Variants in MUC12 observed in about 807,000 individuals in gnomAD.
MUC12 encodes mucin 12, cell surface associated.
MUC12 carries 172 observed loss-of-function variants against 230.8 expected under a neutral mutation model. The observed-to-expected ratio is 0.75, with a 90% CI of 0.66 to 0.85. The LOEUF (loss-of-function observed/expected upper bound fraction) is 0.85, where lower values mean the gene tolerates loss of function less well. Ranked by LOEUF, MUC12 falls within the 40% of genes least tolerant of loss-of-function variation. The probability of loss-of-function intolerance (pLI) is 0.00; values close to 1 mark genes in which losing one functional copy is unlikely to be tolerated. For missense variants in MUC12, 3,506 were observed against 5,920.6 expected (o/e 0.59, Z 13.38); for synonymous variants, 1,259 against 2,401.9 (o/e 0.52, Z 13.91).
At chr7:101,009,293 A>C in intron 5 of MUC12, 134 bp downstream of exon 5, 4 of 866,736 alleles carry the variant, frequency 4.6e-6, no homozygotes, top group Non-Finnish European at 7.3e-6. Context: ...GCTAGGGAAC[A>C]CTGGGGGCTG....
intron 1 of MUC12, among the ~76,000 whole-genome samples, chr7:100,988,258 T>C (rs1793224580): frequency 7.6e-6 from 1 of 131,450 alleles, no homozygotes; most frequent in African/African-American, 3.0e-5. Flanking sequence ...ATCGCGCCAA[T>C]GCACTCCAGC....
chr7:101,012,813 C>T lies in MUC12; in HGVS notation c.15404-6C>T, dbSNP rs555334534. 47 of 1,537,166 alleles carry T rather than the reference C, an allele frequency of 3.1e-5. No homozygotes were observed. Among genetic ancestry groups the T allele is most frequent in the South Asian group, 2.4e-4 (20 of 84,036 alleles). The stretch of plus-strand genomic sequence containing the variant: ...TTCCATCTTCCTTCCCATCCACTCT[C>T]GGCAGAGGCCATACTGTGCTATAGT... On this transcript the variant is annotated splice_polypyrimidine_tract_variant and splice_region_variant and intron_variant, in intron 6 of 11. Coordinates refer to ENST00000536621, the MANE Select transcript of MUC12 (RefSeq NM_001164462.2).
intron 11 of MUC12, 119 bp downstream of exon 11, chr7:101,017,782 CCT>C (rs1306321050): frequency 1.0e-3 from 700 of 675,216 alleles, no homozygotes; most frequent in Non-Finnish European, 1.4e-3. Context: ...GGACTCCCTC[CCT>C]TCCCCCTGGG....
At chr7:101,006,350 C>T (rs993490517) in intron 2 of MUC12, 121 bp from the exon 3 acceptor site, 29 of 677,232 alleles carry the variant, frequency 4.3e-5, no homozygotes, top group East Asian at 1.1e-4. Flanking sequence ...CATTGCTGTG[C>T]GGTCATCTGG....
intron 1 of MUC12, among the ~76,000 whole-genome samples, chr7:100,987,830 G>C (rs1470906104): frequency 6.6e-6 from 1 of 152,140 alleles, no homozygotes. Context: ...AATTAGCCAG[G>C]CATAGTGGTG....
At chr7:100,979,650 C>T (rs889930611) in intron 1 of MUC12, among the ~76,000 whole-genome samples, 40 of 151,910 alleles carry the variant, frequency 2.6e-4, no homozygotes, top group African/African-American at 8.9e-4. Context: ...CTGGCAGGGG[C>T]CTGTAGTCCC....
rs1197786546 is a variant in MUC12 at position 101,018,638 on chromosome 7, C to T, written c.*2C>T. ...GAGATGGTAGCATCCACTGTGTGAG[C>T]CAACGGGGGCCTCCCACCCTCATCT... On this transcript the variant is annotated 3_prime_UTR_variant, in exon 12 of 12. Transcript: ENST00000536621. 1.3e-6 allele frequency: 2 copies of T among 1,535,404 alleles called. No homozygotes were observed. Among genetic ancestry groups the T allele is most frequent in the Non-Finnish European group, 1.7e-6 (2 of 1,145,974 alleles).
chr7:100,977,990 C>T (rs1793057880), intron 1 of MUC12, among the ~76,000 whole-genome samples: 1 of 152,154 alleles, frequency 6.6e-6, no homozygotes, highest in African/African-American at 2.4e-5. Flanking sequence ...TTTTCTCTGA[C>T]AAGTATGCAG....
intron 10 of MUC12, chr7:101,016,972 A>C (rs1793933809): frequency 6.6e-6 from 1 of 152,536 alleles, no homozygotes; most frequent in Admixed American, 6.5e-5. Context: ...GGGAGAATGC[A>C]GAGTGAGAAG....
At position 101,001,906 on chromosome 7, in the gene MUC12, A is replaced by G; in HGVS notation, c.11343A>G (p.Ser3781=). Residue 3781 remains serine (S), a synonymous_variant, in exon 2 of 12, where the codon TCA becomes TCG. Transcript: ENST00000536621. ...GTAGCCAACCAGGTTCTACTCACTC[A>G]ACAGTGTCACCTGCCAGCACCACCA... ...TSRSQPGSTH[S]TVSPASTTTP... The G allele has an allele frequency of 1.2e-6, 1 of 836,266 alleles. No homozygotes were observed. The highest frequency in any genetic ancestry group is 1.7e-6 in the Non-Finnish European group (1 of 603,524). 51.8% of individuals were successfully genotyped at this position (836,266 alleles called of 1,614,324 possible). A position where few individuals can be genotyped will look rare whatever the true frequency, so the allele number is the denominator to read the frequency against.
chr7:100,995,928 A>T lies in MUC12; in HGVS notation c.5365A>T (p.Thr1789Ser). Residue 1789 changes from threonine to serine, a missense_variant, in exon 2 of 12, where the codon ACA becomes TCA. By Grantham distance (58) the Thr-to-Ser change is moderately conservative. Transcript: ENST00000536621. ...AACAATGCACTTCCCTGAAAGCTCCACAGCTTCAGGTCGTAGTGAAGAATC... is the reference window on the plus strand; with the variant it reads ...AACAATGCACTTCCCTGAAAGCTCCTCAGCTTCAGGTCGTAGTGAAGAATC... ...TQTMHFPESS[T>S]ASGRSEESRT... The T allele has an allele frequency of 4.8e-6, 6 of 1,243,620 alleles. No homozygotes were observed. The highest frequency in any genetic ancestry group is 6.6e-6 in the Non-Finnish European group (6 of 915,634). 77.0% of individuals were successfully genotyped at this position (1,243,620 alleles called of 1,614,324 possible). A position where few individuals can be genotyped will look rare whatever the true frequency, so the allele number is the denominator to read the frequency against.
At chr7:100,971,256 T>C (rs1792885457) in intron 1 of MUC12, among the ~76,000 whole-genome samples, 1 of 152,292 alleles carries the variant, frequency 6.6e-6, no homozygotes, top group Non-Finnish European at 1.5e-5. Context: ...AGCCTGGTCG[T>C]GGCTGTGTCT....
chr7:100,982,751 A>G (rs67853264), intron 1 of MUC12, among the ~76,000 whole-genome samples: 22,496 of 149,550 alleles, frequency 0.15, 1,844 homozygotes, highest in African/African-American at 0.21. Flanking sequence ...TTTCTTTGAG[A>G]TAGGGTCTTT....
At chr7:100,985,584 A>G (rs1160330697) in intron 1 of MUC12, among the ~76,000 whole-genome samples, 1 of 152,204 alleles carries the variant, frequency 6.6e-6, no homozygotes, top group African/African-American at 2.4e-5. Context: ...AGAATGAACA[A>G]GGACAGCTTG....
At chr7:100,981,315 T>C in intron 1 of MUC12, 1 of 516,446 alleles carries the variant, frequency 1.9e-6, no homozygotes, top group Non-Finnish European at 3.4e-6. Context: ...AATCCCAGGT[T>C]GGGAGGGGTC....
In MUC12 at chr7:101,004,650, C is replaced by T. The variant is rs898380482; in HGVS notation, c.14087C>T (p.Thr4696Ile). The T allele has an allele frequency of 4.6e-6, 7 of 1,537,350 alleles. No individual in the cohort carries two copies. The highest frequency in any genetic ancestry group is 1.4e-5 in the African/African-American group (1 of 73,018). Residue 4696 changes from threonine to isoleucine, a missense_variant, in exon 2 of 12, where the codon ACA (threonine) becomes ATA (isoleucine). Physicochemically the swap from Thr to Ile is moderately conservative, Grantham distance 89 (BLOSUM62 -1). Coordinates refer to ENST00000536621, the MANE Select transcript of MUC12 (RefSeq NM_001164462.2). ...SHSSPDTNGI[T>I]PLPAHFTTSG... ...AGCAGCCCAGATACAAATGGAATCACACCCTTACCTGCCCATTTTACTACC... is the reference window on the plus strand; with the variant it reads ...AGCAGCCCAGATACAAATGGAATCATACCCTTACCTGCCCATTTTACTACC...
intron 1 of MUC12, among the ~76,000 whole-genome samples, chr7:100,990,226 G>T (rs539000637): frequency 6.6e-6 from 1 of 152,184 alleles, no homozygotes; most frequent in Non-Finnish European, 1.5e-5. Flanking sequence ...GATCAGGAGC[G>T]GCATGAGATT....
At chr7:100,989,192 T>G (rs1793241306) in intron 1 of MUC12, among the ~76,000 whole-genome samples, 2 of 145,298 alleles carry the variant, frequency 1.4e-5, no homozygotes, top group Admixed American at 1.4e-4. Flanking sequence ...CCTCGCAACC[T>G]CTGCCTCCTG....
intron 1 of MUC12, among the ~76,000 whole-genome samples, chr7:100,971,145 ACT>A (rs1001601401): frequency 4.6e-5 from 2 of 43,208 alleles, no homozygotes; most frequent in African/African-American, 1.7e-4. Flanking sequence ...ACAGAGCGAG[ACT>A]CTCTCAAAAA....
Sources: gnomAD v4.1 joint callset for allele counts (sites outside exome capture counted in the v4.1 genomes callset) on GRCh38, gnomAD v4.1.1 for gene constraint, MANE v1.5 for transcripts, NCBI Gene and HGNC (gene_info 2026-07-23, HGNC 2026-07-21) for gene names.